Variants in LRFN2 observed in about 807,000 individuals in gnomAD.
LRFN2 encodes the protein leucine-rich repeat and fibronectin type-III domain-containing protein 2.
In LRFN2, 18 loss-of-function variants were observed where a neutral mutation model predicts 37.3. That is an observed-to-expected ratio of 0.48 (90% confidence interval 0.33 to 0.72). LRFN2 has a LOEUF of 0.72. Ranked by LOEUF, LRFN2 falls within the 30% of genes least tolerant of loss-of-function variation. The pLI is 0.02. For synonymous variants in LRFN2, 556 were observed against 466.6 expected (o/e 1.19, Z -2.47); for missense variants, 1,006 against 1,060.7 (o/e 0.95, Z 0.72).
chr6:40,435,036 TATATATATATATATATAGAGAGAGAG>T (rs1420443253), intron 1 of LRFN2, among the ~76,000 whole-genome samples: 196 of 92,998 alleles, frequency 2.1e-3, no homozygotes, highest in African/African-American at 7.9e-3. Context: ...TATATATATA[TATATATATATATATATAGAGAGAGAG>T]AGAGAGAGAG....
intron 1 of LRFN2, among the ~76,000 whole-genome samples, chr6:40,452,445 T>TTAGACCAGTGGTGTCTCCAGTCAGG (rs1561861736): frequency 6.6e-6 from 1 of 152,204 alleles, no homozygotes; most frequent in Non-Finnish European, 1.5e-5. Flanking sequence ...CTCCAGTCAG[T>TTAGACCAGTGGTGTCTCCAGTCAGG]GTTAGAATGT....
intron 1 of LRFN2, among the ~76,000 whole-genome samples, chr6:40,448,456 C>T (rs1343170159): frequency 1.3e-5 from 2 of 152,086 alleles, no homozygotes; most frequent in African/African-American, 2.4e-5. Flanking sequence ...TGAATATATA[C>T]AAATTGTAAA....
At chr6:40,412,748 C>A (rs548987860) in intron 2 of LRFN2, among the ~76,000 whole-genome samples, 7 of 152,324 alleles carry the variant, frequency 4.6e-5, no homozygotes, top group Non-Finnish European at 1.0e-4. Context: ...CCCACTGATA[C>A]AAGTCCCTGC....
chr6:40,396,826 T>C (rs1385250570), intron 2 of LRFN2, among the ~76,000 whole-genome samples: 4 of 152,122 alleles, frequency 2.6e-5, no homozygotes, highest in Non-Finnish European at 4.4e-5. Flanking sequence ...AAAACAGCCC[T>C]GGCTGGCAAG....
At chr6:40,400,231 G>C (rs774499819) in intron 2 of LRFN2, among the ~76,000 whole-genome samples, 2 of 151,728 alleles carry the variant, frequency 1.3e-5, no homozygotes, top group Non-Finnish European at 2.9e-5. Flanking sequence ...TGCTGATCAC[G>C]ATGTCTGGCC....
Position 40,391,755 on chromosome 6 carries a change from A to G in LRFN2, c.*188T>C. 1 of 525,986 alleles carries G rather than the reference A, an allele frequency of 1.9e-6. No homozygotes were observed. The highest frequency in any genetic ancestry group is 3.2e-6 in the Non-Finnish European group (1 of 315,848). 32.6% of individuals were successfully genotyped at this position (525,986 alleles called of 1,614,324 possible). On this transcript the variant is annotated 3_prime_UTR_variant, in exon 3 of 3. Coordinates refer to ENST00000338305, the MANE Select transcript of LRFN2 (RefSeq NM_020737.3). ...GAGCGAGTCCACATTCCCTGAGCAC[A>G]CCCCGGCCGGGTGGTGGGGAGGTGA...
chr6:40,546,404 C>T (rs896486956), intron 1 of LRFN2, among the ~76,000 whole-genome samples: 1 of 152,094 alleles, frequency 6.6e-6, no homozygotes, highest in Admixed American at 6.6e-5. Context: ...CGATATTGAC[C>T]CCAGGTCTCC....
chr6:40,481,668 A>C (rs1764835805), intron 1 of LRFN2, among the ~76,000 whole-genome samples: 1 of 152,170 alleles, frequency 6.6e-6, no homozygotes, highest in African/African-American at 2.4e-5. Flanking sequence ...CCACGAAGGC[A>C]GACCTAAGGA....
chr6:40,504,413 CA>C (rs1258533764), intron 1 of LRFN2, among the ~76,000 whole-genome samples: 1 of 152,104 alleles, frequency 6.6e-6, no homozygotes, highest in Non-Finnish European at 1.5e-5. Context: ...ACCATGTGCC[CA>C]AAAACACAAT....
chr6:40,538,582 GA>G, intron 1 of LRFN2, among the ~76,000 whole-genome samples: 1 of 152,384 alleles, frequency 6.6e-6, no homozygotes, highest in Middle Eastern at 3.4e-3. Context: ...ATCCTCATCA[GA>G]AAACCCCAAC....
At chr6:40,576,622 A>C (rs541106545) in intron 1 of LRFN2, among the ~76,000 whole-genome samples, 56 of 152,290 alleles carry the variant, frequency 3.7e-4, no homozygotes, top group Admixed American at 1.0e-3. Flanking sequence ...AGGTACCTGC[A>C]GTGCCTCCCA....
intron 1 of LRFN2, among the ~76,000 whole-genome samples, chr6:40,464,015 T>C (rs1764404476): frequency 6.6e-6 from 1 of 152,220 alleles, no homozygotes; most frequent in Non-Finnish European, 1.5e-5. Context: ...TCCTTCAGTG[T>C]TAACTCGGAC....
intron 1 of LRFN2, among the ~76,000 whole-genome samples, chr6:40,468,700 T>A (rs891774095): frequency 2.0e-5 from 3 of 152,176 alleles, no homozygotes; most frequent in Non-Finnish European, 2.9e-5. Context: ...GCATGGGGGC[T>A]TATCCATGCC....
At chr6:40,420,843 G>A (rs1409959422) in intron 2 of LRFN2, among the ~76,000 whole-genome samples, 5 of 152,212 alleles carry the variant, frequency 3.3e-5, no homozygotes, top group Non-Finnish European at 5.9e-5. Flanking sequence ...GTTTATTTGG[G>A]AGGTGGGCTC....
intron 1 of LRFN2, among the ~76,000 whole-genome samples, chr6:40,454,984 CTT>C (rs1353621285): frequency 6.6e-6 from 1 of 152,156 alleles, no homozygotes; most frequent in African/African-American, 2.4e-5. Flanking sequence ...AAAGGTTTCT[CTT>C]AGAGCTGTAA....
intron 2 of LRFN2, among the ~76,000 whole-genome samples, chr6:40,396,613 A>G (rs1344039733): frequency 6.6e-6 from 1 of 152,118 alleles, no homozygotes; most frequent in Non-Finnish European, 1.5e-5. Flanking sequence ...GGCCCATCAG[A>G]AACAAGGCCA....
chr6:40,579,759 G>T (rs1767360984), intron 1 of LRFN2, among the ~76,000 whole-genome samples: 1 of 152,188 alleles, frequency 6.6e-6, no homozygotes, highest in Non-Finnish European at 1.5e-5. Context: ...GAAGTCAAAT[G>T]ATCAGTGAGA....
chr6:40,473,635 T>C (rs1764650409), intron 1 of LRFN2, among the ~76,000 whole-genome samples: 1 of 152,192 alleles, frequency 6.6e-6, no homozygotes, highest in Admixed American at 6.5e-5. Context: ...GTTACATAGG[T>C]ATACATGTGC....
chr6:40,460,746 A>T (rs527771669), intron 1 of LRFN2, among the ~76,000 whole-genome samples: 188 of 152,292 alleles, frequency 1.2e-3, no homozygotes, highest in Middle Eastern at 0.01. Context: ...AGCCCCTGGG[A>T]TAGATCACCA....
Sources: allele counts gnomAD v4.1 joint callset (sites outside exome capture counted in the v4.1 genomes callset), GRCh38; gene constraint gnomAD v4.1.1; transcripts MANE v1.5; gene names NCBI Gene and HGNC (gene_info 2026-07-23, HGNC 2026-07-21).